The following RYR3 variants were observed in gnomAD, a reference collection of about 807,000 sequenced individuals.
The protein encoded by RYR3 is brain ryanodine receptor-calcium release channel.
Under a neutral mutation model 584.3 loss-of-function variants are expected in RYR3, and 207 were observed. The ratio of observed to expected loss-of-function variants is 0.35; its 90% CI spans 0.32 to 0.40. The LOEUF is 0.40. Among genes scored for constraint, RYR3 ranks in the 10% least tolerant of loss-of-function variants. The probability of loss-of-function intolerance (pLI) is 1.00; values close to 1 mark genes in which losing one functional copy is unlikely to be tolerated. For missense variants in RYR3, 5,616 were observed against 6,089.2 expected, an observed-to-expected ratio of 0.92 and a Z score of 2.59; for synonymous variants, 2,416 against 2,248.5, an observed-to-expected ratio of 1.07 and a Z score of -2.11.
rs538148370 is a variant in RYR3 at position 33,685,432 on chromosome 15, C to A, written c.5861-10786C>A. On this transcript the variant is annotated intron_variant, in intron 38 of 103. Transcript: ENST00000634891. ...ATATATGCACCCAATACAGGAGCAC[C>A]CAGATTCATAAAGCAAGTCCTTAGA... Among the ~76,000 whole-genome samples, 3 of 152,156 alleles carry A rather than the reference C, an allele frequency of 2.0e-5. No homozygotes were observed. The East Asian group carries it at 5.8e-4, about 29-fold the overall frequency.
At chr15:33,371,329 A>G (rs1206716622) in intron 1 of RYR3, among the ~76,000 whole-genome samples, 1 of 152,200 alleles carries the variant, frequency 6.6e-6, no homozygotes, top group South Asian at 2.1e-4. Context: ...TTCCAAGTCA[A>G]ACCAATGCGG....
intron 2 of RYR3, among the ~76,000 whole-genome samples, chr15:33,487,825 G>A (rs1326784016): frequency 2.6e-5 from 4 of 152,178 alleles, no homozygotes; most frequent in Non-Finnish European, 5.9e-5. Context: ...TGAAAAACAT[G>A]GCTCCACATT....
At chr15:33,314,519 A>G (rs1046669098) in intron 1 of RYR3, among the ~76,000 whole-genome samples, 6 of 152,226 alleles carry the variant, frequency 3.9e-5, no homozygotes, top group Non-Finnish European at 5.9e-5. Flanking sequence ...GTATCCATTT[A>G]AAAAACACAA....
At chr15:33,347,710 G>A (rs1403762848) in intron 1 of RYR3, among the ~76,000 whole-genome samples, 2 of 152,256 alleles carry the variant, frequency 1.3e-5, no homozygotes, top group East Asian at 1.9e-4. Flanking sequence ...GCCTCCCAAA[G>A]TGTGGGAGCT....
At chr15:33,578,523 C>T (rs2058416916) in intron 12 of RYR3, among the ~76,000 whole-genome samples, 1 of 151,954 alleles carries the variant, frequency 6.6e-6, no homozygotes, top group African/African-American at 2.4e-5. Context: ...AACAAAGCAC[C>T]ACATGTTCTC....
rs200288877 is a variant in RYR3, at chr15:33,662,572, A to G, written c.5042A>G (p.Lys1681Arg). The G allele has an allele frequency of 8.1e-6, 13 of 1,613,994 alleles. No homozygotes were observed. In the Admixed American group the frequency reaches 2.0e-4, roughly 25 times the overall value. Reference sequence around the variant, plus strand: ...GTTGTGACTGGTGAGGATCACCAAAAGCAGAGCCCCGAGATTCCCTTGGAG... The same window carrying G: ...GTTGTGACTGGTGAGGATCACCAAAGGCAGAGCCCCGAGATTCCCTTGGAG... ...CFVVTGEDHQ[K>R]QSPEIPLESL... The change falls in exon 35 of 104, where the codon AAG becomes AGG. Residue 1681 changes from lysine to arginine, a missense_variant. Physicochemically the swap from Lys to Arg is conservative, Grantham distance 26. This residue lies in a region of RYR3 where 753 missense variants were observed against 741.0 expected (regional missense o/e 1.02). Coordinates refer to ENST00000634891, the MANE Select transcript of RYR3 (RefSeq NM_001036.6).
chr15:33,800,757 C>T lies in RYR3; in HGVS notation c.9831-13C>T. ...TGAATTTCAAATGCCTGTTTATTTA[C>T]TTTTGGACCCAGATCTAACTGGCTG... is the stretch of plus-strand genomic sequence containing the variant. On this transcript the variant is annotated splice_polypyrimidine_tract_variant and intron_variant, in intron 67 of 103. Transcript: ENST00000634891. 1 of 1,604,304 alleles carries T rather than the reference C, an allele frequency of 6.2e-7. No homozygotes were observed. Among genetic ancestry groups the T allele is most frequent in the Non-Finnish European group, 8.5e-7 (1 of 1,171,126 alleles).
At chr15:33,650,557 T>A (rs2062406178) in intron 31 of RYR3, among the ~76,000 whole-genome samples, 1 of 152,056 alleles carries the variant, frequency 6.6e-6, no homozygotes, top group Non-Finnish European at 1.5e-5. Flanking sequence ...CATAGAAAAA[T>A]TTTTAGGACA....
intron 94 of RYR3, chr15:33,849,268 C>G (rs2078934663): frequency 6.6e-6 from 1 of 152,222 alleles, no homozygotes; most frequent in South Asian, 2.1e-4. Flanking sequence ...GGCAAGCCTG[C>G]CTTCCTGTAG....
rs529326691 is a variant in RYR3, at chr15:33,790,054, C to T, written c.9830+1596C>T. On this transcript the variant is annotated intron_variant, in intron 67 of 103. Transcript: ENST00000634891. ...TCACCCAGGCTGGAGTGCAGTGGTG[C>T]GATCTCGGCTCACTACAAGCTCCGC... Among the ~76,000 whole-genome samples the T allele has an allele frequency of 1.0e-4, 13 of 125,848 alleles. No homozygotes were observed. In the South Asian group the frequency reaches 2.7e-3, roughly 26 times the overall value. 82.6% of individuals were successfully genotyped at this position (125,848 alleles called of 152,430 possible).
intron 1 of RYR3, among the ~76,000 whole-genome samples, chr15:33,377,535 G>T (rs1445495475): frequency 1.3e-5 from 2 of 152,218 alleles, no homozygotes; most frequent in African/African-American, 4.8e-5. Flanking sequence ...TCCACAGGTG[G>T]GATTGGAGCA....
chr15:33,638,798 T>C (rs186631816), intron 27 of RYR3, among the ~76,000 whole-genome samples: 111 of 152,318 alleles, frequency 7.3e-4, no homozygotes, highest in Middle Eastern at 3.4e-3. Context: ...GAAAAGTCTA[T>C]ATGAATGGGA....
intron 1 of RYR3, among the ~76,000 whole-genome samples, chr15:33,358,797 G>T (rs999767979): frequency 6.6e-6 from 1 of 152,226 alleles, no homozygotes; most frequent in South Asian, 2.1e-4. Context: ...AAATAATGAG[G>T]CACTTTCTTC....
intron 27 of RYR3, among the ~76,000 whole-genome samples, chr15:33,641,116 G>C (rs139526599): frequency 1.4e-4 from 22 of 152,322 alleles, no homozygotes; most frequent in African/African-American, 3.1e-4. Context: ...AGACAAACAG[G>C]TGAACTCCCT....
chr15:33,736,011 G>T (rs540038177), intron 48 of RYR3, among the ~76,000 whole-genome samples: 2 of 152,220 alleles, frequency 1.3e-5, no homozygotes, highest in South Asian at 4.2e-4. Context: ...ATAGCAATTA[G>T]AATTCCACTT....
chr15:33,421,807 T>C (rs1023976399), intron 1 of RYR3, among the ~76,000 whole-genome samples: 1 of 152,150 alleles, frequency 6.6e-6, no homozygotes, highest in Non-Finnish European at 1.5e-5. Context: ...ATCTGTTAGG[T>C]AGAACTTCAG....
chr15:33,724,232 T>G, intron 45 of RYR3, 56 bp downstream of exon 45: 1 of 943,574 alleles, frequency 1.1e-6, no homozygotes, highest in East Asian at 2.5e-5. Context: ...AAGAACACTA[T>G]AGATTTCCTG....
At chr15:33,373,263 A>G (rs1161513545) in intron 1 of RYR3, among the ~76,000 whole-genome samples, 1 of 152,200 alleles carries the variant, frequency 6.6e-6, no homozygotes, top group Non-Finnish European at 1.5e-5. Flanking sequence ...CAGTCCTTAC[A>G]TCTTTCCTCT....
intron 1 of RYR3, among the ~76,000 whole-genome samples, chr15:33,425,077 A>G (rs1247127898): frequency 2.6e-5 from 4 of 152,218 alleles, no homozygotes; most frequent in Non-Finnish European, 4.4e-5. Flanking sequence ...TCATGTGGCC[A>G]TACAGTCAAC....
Sources: allele counts gnomAD v4.1 joint callset (sites outside exome capture counted in the v4.1 genomes callset), GRCh38; gene constraint gnomAD v4.1.1; regional missense constraint gnomAD v4.1.1; transcripts MANE v1.5; gene names NCBI Gene and HGNC (gene_info 2026-07-23, HGNC 2026-07-21).